POU2F1: variants seen among roughly 807,000 people sequenced by gnomAD.
The protein encoded by POU2F1 is POU class 2 homeobox 1.
In POU2F1, 16 loss-of-function variants were observed where a neutral mutation model predicts 84.9. The ratio of observed to expected loss-of-function variants is 0.19; its 90% CI spans 0.13 to 0.29. POU2F1 has a LOEUF of 0.29. Among genes scored for constraint, POU2F1 ranks in the 10% least tolerant of loss-of-function variants. The pLI, the probability that POU2F1 is intolerant of heterozygous loss-of-function variation, is 1.00. For missense variants in POU2F1, 738 were observed against 942.6 expected, an observed-to-expected ratio of 0.78 and a Z score of 2.84; for synonymous variants, 368 against 368.3, an observed-to-expected ratio of 1.00 and a Z score of 0.01.
chr1:167,368,313 T>G lies in POU2F1; in HGVS notation c.229-1848T>G, dbSNP rs576813961. On this transcript the variant is annotated intron_variant, in intron 3 of 15. Transcript: ENST00000367866. Reference sequence around the variant, plus strand: ...CCAAGTTATGCATTTTTGAAAGGAATACAGCAGAAATGATGCTGAGTCCCT... The same window carrying G: ...CCAAGTTATGCATTTTTGAAAGGAAGACAGCAGAAATGATGCTGAGTCCCT... Among the ~76,000 whole-genome samples the G allele has an allele frequency of 7.2e-5, 11 of 152,054 alleles. No individual in the cohort carries two copies. In the East Asian group the frequency reaches 2.1e-3, roughly 29 times the overall value.
intron 1 of POU2F1, among the ~76,000 whole-genome samples, chr1:167,278,678 G>C (rs1490673901): frequency 6.6e-6 from 1 of 152,148 alleles, no homozygotes; most frequent in Non-Finnish European, 1.5e-5. Flanking sequence ...ATTTTTACCT[G>C]TCCTGACAAG....
At chr1:167,342,767 A>G (rs929826066) in intron 2 of POU2F1, among the ~76,000 whole-genome samples, 1 of 152,204 alleles carries the variant, frequency 6.6e-6, no homozygotes, top group African/African-American at 2.4e-5. Flanking sequence ...GCCATTTTTA[A>G]TATTCTTACT....
intron 9 of POU2F1, among the ~76,000 whole-genome samples, chr1:167,391,448 G>A (rs2101896490): frequency 6.6e-6 from 1 of 150,692 alleles, no homozygotes; most frequent in East Asian, 2.0e-4. Context: ...ATTTTGTGTT[G>A]AAAGTACGGT....
intron 1 of POU2F1, chr1:167,329,073 A>G: frequency 8.3e-7 from 1 of 1,209,224 alleles, no homozygotes; most frequent in South Asian, 2.3e-5. Flanking sequence ...AAGTTTCCTT[A>G]TTCAGTTGAA....
intron 1 of POU2F1, among the ~76,000 whole-genome samples, chr1:167,311,880 GCAGCCTCCACCT>G (rs1349145187): frequency 6.6e-6 from 1 of 150,998 alleles, no homozygotes; most frequent in African/African-American, 2.4e-5. Context: ...TTGGCTCACT[GCAGCCTCCACCT>G]CCTTGGTTCA....
chr1:167,407,435 A>G (rs908416203), intron 13 of POU2F1, among the ~76,000 whole-genome samples: 4 of 152,370 alleles, frequency 2.6e-5, no homozygotes, highest in Admixed American at 6.5e-5. Flanking sequence ...GGGACCAAGA[A>G]TAGCCAAAAC....
chr1:167,398,881 A>C (rs1386135605), intron 11 of POU2F1, among the ~76,000 whole-genome samples: 2 of 152,210 alleles, frequency 1.3e-5, no homozygotes, highest in Admixed American at 6.5e-5. Flanking sequence ...GCATGGAGAA[A>C]GGTTAAATTC....
intron 1 of POU2F1, among the ~76,000 whole-genome samples, chr1:167,280,214 A>G (rs1236633933): frequency 6.6e-6 from 1 of 151,966 alleles, no homozygotes; most frequent in Non-Finnish European, 1.5e-5. Context: ...AACTTATTGT[A>G]AATGTGTGAT....
Position 167,412,013 on chromosome 1 carries a change from C to A in POU2F1, c.1610C>A (p.Pro537Gln). ...NTATVISTAP[P>Q]ASSAVTSPSL... ...GCAACCGTGATTTCCACAGCGCCTC[C>A]AGCTTCCTCAGCAGTCACGTCCCCC... Residue 537 changes from proline (P) to glutamine (Q), a missense_variant, in exon 14 of 16, where the codon CCA (proline) becomes CAA (glutamine). Transcript: ENST00000367866. 6.2e-7 allele frequency: 1 copy of A among 1,614,176 alleles called. No homozygotes were observed.
At chr1:167,328,972 A>G in intron 1 of POU2F1, 1 of 953,626 alleles carries the variant, frequency 1.0e-6, no homozygotes. Flanking sequence ...TTTCTATTTT[A>G]TTACAAAAAG....
At chr1:167,287,972 A>G (rs1385870121) in intron 1 of POU2F1, among the ~76,000 whole-genome samples, 1 of 152,252 alleles carries the variant, frequency 6.6e-6, no homozygotes, top group Non-Finnish European at 1.5e-5. Flanking sequence ...AAAGACGATC[A>G]AGTTATAAAA....
chr1:167,378,118 G>A (rs778125068), intron 7 of POU2F1, among the ~76,000 whole-genome samples: 7 of 152,158 alleles, frequency 4.6e-5, no homozygotes, highest in African/African-American at 7.2e-5. Context: ...TTGAGAAATC[G>A]CCAAACTGCT....
chr1:167,263,745 C>A (rs1312739962), intron 1 of POU2F1, among the ~76,000 whole-genome samples: 3 of 152,214 alleles, frequency 2.0e-5, no homozygotes, highest in African/African-American at 7.2e-5. Flanking sequence ...TCTCCTACTA[C>A]TCTACTCTCT....
At chr1:167,222,312 C>T (rs1648290249) in intron 1 of POU2F1, among the ~76,000 whole-genome samples, 1 of 152,156 alleles carries the variant, frequency 6.6e-6, no homozygotes, top group Non-Finnish European at 1.5e-5. Flanking sequence ...AGCTGAACCT[C>T]TTCTCATTTG....
intron 2 of POU2F1, among the ~76,000 whole-genome samples, chr1:167,341,660 T>C (rs1422895897): frequency 6.6e-6 from 1 of 152,072 alleles, no homozygotes; most frequent in Non-Finnish European, 1.5e-5. Flanking sequence ...TGTCTAGGGG[T>C]GGGTGTCTGC....
chr1:167,385,469 A>G (rs1294248348), intron 8 of POU2F1, among the ~76,000 whole-genome samples: 1 of 152,204 alleles, frequency 6.6e-6, no homozygotes, highest in Non-Finnish European at 1.5e-5. Flanking sequence ...ATATGGATAG[A>G]AATAGAGATC....
At chr1:167,408,690 T>C (rs1026177468) in intron 13 of POU2F1, among the ~76,000 whole-genome samples, 3 of 152,020 alleles carry the variant, frequency 2.0e-5, no homozygotes, top group Admixed American at 6.6e-5. Flanking sequence ...TAGGTAGGAG[T>C]GTGACATGAT....
chr1:167,308,349 G>GAGCCACCACGCCC (rs2102592429), intron 1 of POU2F1, among the ~76,000 whole-genome samples: 1 of 152,216 alleles, frequency 6.6e-6, no homozygotes, highest in African/African-American at 2.4e-5. Context: ...TTACAGGCCT[G>GAGCCACCACGCCC]AGCCACCACG....
intron 6 of POU2F1, 96 bp downstream of exon 6, chr1:167,374,392 G>T: frequency 2.5e-6 from 3 of 1,185,302 alleles, no homozygotes; most frequent in Non-Finnish European, 3.5e-6. Context: ...TTAGTGTGGG[G>T]CCTTAACTGC....
Sources: allele counts gnomAD v4.1 joint callset (sites outside exome capture counted in the v4.1 genomes callset), GRCh38; gene constraint gnomAD v4.1.1; transcripts MANE v1.5; gene names NCBI Gene and HGNC (gene_info 2026-07-23, HGNC 2026-07-21).